The following TF variants were observed in gnomAD, a reference collection of about 807,000 sequenced individuals.
TF encodes transferrin.
TF carries 55 observed loss-of-function variants against 82.4 expected under a neutral mutation model. The ratio of observed to expected loss-of-function variants is 0.67; its 90% CI spans 0.54 to 0.84. TF has a LOEUF of 0.84. Ranked by LOEUF, TF falls within the 40% of genes least tolerant of loss-of-function variation. The pLI, the probability that TF is intolerant of heterozygous loss-of-function variation, is 0.00. For missense variants in TF, 737 were observed against 868.4 expected (o/e 0.85, Z 1.90); for synonymous variants, 332 against 332.6 (o/e 1.00, Z 0.02).
the TF span, among the ~76,000 whole-genome samples, chr3:133,664,043 C>G: frequency 6.6e-6 from 1 of 152,250 alleles, no homozygotes; most frequent in East Asian, 1.9e-4. Context: ...TGTGTAGTGT[C>G]TGGACCAGCA....
chr3:133,675,770 C>T, the TF span, among the ~76,000 whole-genome samples: 1 of 152,150 alleles, frequency 6.6e-6, no homozygotes, highest in Non-Finnish European at 1.5e-5. Flanking sequence ...TGCTTTTTTG[C>T]CCCTGACTTC....
At chr3:133,736,328 C>T in the TF span, among the ~76,000 whole-genome samples, 16,669 of 152,080 alleles carry the variant, frequency 0.11, 1,180 homozygotes, top group Non-Finnish European at 0.15. Flanking sequence ...AAGGAAAAAC[C>T]GGTACCAGCC....
chr3:133,739,367 A>G, the TF span, among the ~76,000 whole-genome samples: 2 of 152,244 alleles, frequency 1.3e-5, no homozygotes, highest in Non-Finnish European at 2.9e-5. Flanking sequence ...AAACTCTAGA[A>G]GAAAACCTAG....
At chr3:133,678,048 C>A in the TF span, among the ~76,000 whole-genome samples, 1 of 152,112 alleles carries the variant, frequency 6.6e-6, no homozygotes, top group African/African-American at 2.4e-5. Context: ...GTGTGCTCTT[C>A]CCCTCCCTGT....
the TF span, chr3:133,700,929 T>C: frequency 6.5e-6 from 1 of 152,696 alleles, no homozygotes; most frequent in South Asian, 2.1e-4. Flanking sequence ...TCTTTGGCTC[T>C]CCTCATGAGA....
rs1216095628 is a variant in TF at position 133,791,268 on chromosome 3, T to C, written c.*12648T>C. On this transcript the variant is annotated 3_prime_UTR_variant, in exon 17 of 17. Coordinates refer to ENST00000402696, the MANE Select transcript of TF (RefSeq NM_001063.4). The stretch of plus-strand genomic sequence containing the variant: ...TACTTTAAGTGTGTTGAGTATATTT[T>C]CATAAACAGAATTTGAGTCATATTT... 1 of 152,196 alleles carries C rather than the reference T, an allele frequency of 6.6e-6. No individual in the cohort carries two copies. Among genetic ancestry groups the C allele is most frequent in the Non-Finnish European group, 1.5e-5 (1 of 68,020 alleles). 9.4% of individuals were successfully genotyped at this position (152,196 alleles called of 1,614,324 possible).
At chr3:133,697,127 T>C in the TF span, among the ~76,000 whole-genome samples, 2 of 152,252 alleles carry the variant, frequency 1.3e-5, no homozygotes, top group Non-Finnish European at 2.9e-5. Context: ...CACAATTCAC[T>C]GTCTCCTCAT....
upstream of TF, chr3:133,746,100 G>T (rs1559865715): frequency 1.1e-5 from 5 of 448,744 alleles, no homozygotes; most frequent in Non-Finnish European, 2.1e-5. Flanking sequence ...CAGGAGCAGA[G>T]CCCCCCGGCT....
the TF span, among the ~76,000 whole-genome samples, chr3:133,698,964 C>T: frequency 6.6e-6 from 1 of 152,186 alleles, no homozygotes; most frequent in Non-Finnish European, 1.5e-5. Flanking sequence ...GGAATGTGGC[C>T]CCTTTAGTGG....
chr3:133,720,240 A>G, the TF span, among the ~76,000 whole-genome samples: 1 of 152,160 alleles, frequency 6.6e-6, no homozygotes, highest in Non-Finnish European at 1.5e-5. Context: ...TGGGTCTGTA[A>G]TAGGTGGTCT....
chr3:133,722,088 C>T, the TF span, among the ~76,000 whole-genome samples: 8 of 152,102 alleles, frequency 5.3e-5, 1 homozygote, highest in East Asian at 1.4e-3. Flanking sequence ...CACCATGTTG[C>T]ACAGGCTGAT....
rs749830368 is a variant in TF, at chr3:133,755,379, C to T, written c.519C>T (p.Phe173=). ...KPLEKAVANF[F]SGSCAPCADG... Reference sequence around the variant, plus strand: ...GCTGAGCAGCAGTGGCCAATTTCTTCTCGGGCAGCTGTGCCCCTTGTGCGG... The same window carrying T: ...GCTGAGCAGCAGTGGCCAATTTCTTTTCGGGCAGCTGTGCCCCTTGTGCGG... Residue 173 remains phenylalanine, a synonymous_variant, in exon 5 of 17, where the codon TTC becomes TTT. Transcript: ENST00000402696. 1 of 1,614,228 alleles carries T rather than the reference C, an allele frequency of 6.2e-7. No individual in the cohort carries two copies. Among genetic ancestry groups the T allele is most frequent in the Non-Finnish European group, 8.5e-7 (1 of 1,180,044 alleles).
the TF span, among the ~76,000 whole-genome samples, chr3:133,718,028 C>G: frequency 2.0e-5 from 3 of 151,838 alleles, no homozygotes; most frequent in Admixed American, 1.3e-4. Context: ...GATGGGAGCA[C>G]GTTTAATCAT....
chr3:133,754,419 T>C, intron 3 of TF, 76 bp from the exon 4 acceptor site: 2 of 1,504,670 alleles, frequency 1.3e-6, no homozygotes. Flanking sequence ...CCCTCCCTCC[T>C]CAAGAGTCCG....
the TF span, among the ~76,000 whole-genome samples, chr3:133,708,190 TATA>T: frequency 6.6e-6 from 1 of 152,164 alleles, no homozygotes; most frequent in Non-Finnish European, 1.5e-5. Flanking sequence ...TACATCCATA[TATA>T]ATAAGATATA....
chr3:133,718,358 G>A, the TF span, among the ~76,000 whole-genome samples: 7 of 152,188 alleles, frequency 4.6e-5, no homozygotes, highest in South Asian at 2.1e-4. Flanking sequence ...TGCTGGGAGG[G>A]AGACCTTCCC....
Position 133,781,780 on chromosome 3 carries a change from C to G in TF, c.*3160C>G, listed in dbSNP as rs1934520358. 6.6e-6 allele frequency: 1 copy of G among 152,054 alleles called. No individual in the cohort carries two copies. Among genetic ancestry groups the G allele is most frequent in the South Asian group, 2.1e-4 (1 of 4,828 alleles). 9.4% of individuals were successfully genotyped at this position (152,054 alleles called of 1,614,324 possible). A position where few individuals can be genotyped will look rare whatever the true frequency, so the allele number is the denominator to read the frequency against. The stretch of plus-strand genomic sequence containing the variant: ...ATTTTTTGGCTATCACATCAAAAGC[C>G]CAGGCCACAAAAGCAAAAATAAATA... On this transcript the variant is annotated 3_prime_UTR_variant, in exon 17 of 17. Coordinates refer to ENST00000402696, the MANE Select transcript of TF (RefSeq NM_001063.4).
At chr3:133,668,815 A>G in the TF span, among the ~76,000 whole-genome samples, 4 of 152,014 alleles carry the variant, frequency 2.6e-5, no homozygotes, top group Non-Finnish European at 5.9e-5. Context: ...AGGGAAAAAA[A>G]CCCCTTAAAT....
rs1400598187 is a variant in TF, at chr3:133,777,184, T to A, written c.2008T>A (p.Leu670Ile). The A allele has an allele frequency of 6.2e-7, 1 of 1,614,060 alleles. No individual in the cohort carries two copies. Among genetic ancestry groups the A allele is most frequent in the South Asian group, 1.1e-5 (1 of 91,080 alleles). ...TGACAGAAACACATATGAAAAATAC[T>A]TAGGAGAAGAATATGTCAAGGCTGT... ...LHDRNTYEKYLGEEYVKAVGN... is the reference protein window; with the variant it reads ...LHDRNTYEKYIGEEYVKAVGN... Residue 670 changes from leucine (L) to isoleucine (I), a missense_variant, in exon 16 of 17, where the codon TTA becomes ATA. Physicochemically the swap from Leu to Ile is conservative, Grantham distance 5 (BLOSUM62 2). Coordinates refer to ENST00000402696, the MANE Select transcript of TF (RefSeq NM_001063.4).
Sources: gnomAD v4.1 joint callset for allele counts (sites outside exome capture counted in the v4.1 genomes callset) on GRCh38, gnomAD v4.1.1 for gene constraint, MANE v1.5 for transcripts, NCBI Gene and HGNC (gene_info 2026-07-23, HGNC 2026-07-21) for gene names.